The following FBXL17 variants were observed in gnomAD, a reference collection of about 807,000 sequenced individuals.
The protein encoded by FBXL17 is F-box and leucine rich repeat protein 17, also known as F-box/LRR-repeat protein 17.
Under a neutral mutation model 66.2 loss-of-function variants are expected in FBXL17, and 22 were observed. The ratio of observed to expected loss-of-function variants is 0.33; its 90% CI spans 0.24 to 0.47. FBXL17 has a LOEUF of 0.47. FBXL17 is among the 20% of genes least tolerant of loss of function. FBXL17 has a pLI of 1.00. For synonymous variants in FBXL17, 474 were observed against 400.5 expected, an observed-to-expected ratio of 1.18 and a Z score of -2.19; for missense variants, 878 against 948.2, an observed-to-expected ratio of 0.93 and a Z score of 0.97.
In FBXL17 at chr5:108,267,988, T is replaced by A. The variant is rs147738742; in HGVS notation, c.1507-43760A>T. 3.6e-3 allele frequency among the ~76,000 whole-genome samples: 555 copies of A among 152,242 alleles called. 4 individuals are homozygous for A. Among genetic ancestry groups the A allele is most frequent in the African/African-American group, 0.013 (535 of 41,572 alleles). On this transcript the variant is annotated intron_variant, in intron 4 of 8. Coordinates refer to ENST00000542267, the MANE Select transcript of FBXL17 (RefSeq NM_001163315.3). ...GGATGATGTAAAATGCAAAAGGTAA[T>A]TTCCAAGTAATTTTAGTTTTTTGTT... is the stretch of plus-strand genomic sequence containing the variant.
At chr5:108,354,157 G>A (rs536009835) in intron 3 of FBXL17, among the ~76,000 whole-genome samples, 2 of 152,138 alleles carry the variant, frequency 1.3e-5, no homozygotes, top group Non-Finnish European at 2.9e-5. Context: ...CCTGTGCATC[G>A]TGTCCACCTT....
intron 1 of FBXL17, among the ~76,000 whole-genome samples, chr5:108,375,101 C>A (rs574230577): frequency 6.6e-6 from 1 of 152,212 alleles, no homozygotes; most frequent in Admixed American, 6.5e-5. Flanking sequence ...CACCTATAAT[C>A]CCAGCACTTT....
chr5:107,911,934 T>G (rs1446763321), intron 7 of FBXL17, among the ~76,000 whole-genome samples: 1 of 152,026 alleles, frequency 6.6e-6, no homozygotes, highest in African/African-American at 2.4e-5. Context: ...ACTTCACTAG[T>G]AATAAGGGAA....
chr5:108,333,975 T>C (rs920983147), intron 4 of FBXL17, among the ~76,000 whole-genome samples: 1 of 152,188 alleles, frequency 6.6e-6, no homozygotes, highest in African/African-American at 2.4e-5. Context: ...TTACAAATGA[T>C]CTAATTGAAG....
chr5:108,065,651 C>A (rs1748088865), intron 6 of FBXL17, among the ~76,000 whole-genome samples: 1 of 152,134 alleles, frequency 6.6e-6, no homozygotes, highest in African/African-American at 2.4e-5. Flanking sequence ...ATAAGACCAT[C>A]AGTCACATGG....
chr5:108,090,468 T>C (rs1039729036), intron 6 of FBXL17, among the ~76,000 whole-genome samples: 1 of 152,174 alleles, frequency 6.6e-6, no homozygotes, highest in African/African-American at 2.4e-5. Context: ...ATGGAAGAGG[T>C]TGGCAAATTT....
chr5:108,001,733 C>G (rs577171141), intron 7 of FBXL17, among the ~76,000 whole-genome samples: 1 of 152,104 alleles, frequency 6.6e-6, no homozygotes, highest in South Asian at 2.1e-4. Flanking sequence ...ATCTCCTGAC[C>G]TCGTGATCCG....
At chr5:108,300,188 G>C (rs1305683580) in intron 4 of FBXL17, among the ~76,000 whole-genome samples, 1 of 151,654 alleles carries the variant, frequency 6.6e-6, no homozygotes, top group Non-Finnish European at 1.5e-5. Context: ...ATTTTCAAAA[G>C]TTTTACTCAT....
intron 6 of FBXL17, among the ~76,000 whole-genome samples, chr5:108,134,866 C>A (rs1751075608): frequency 6.6e-6 from 1 of 152,160 alleles, no homozygotes; most frequent in South Asian, 2.1e-4. Flanking sequence ...GTCTTTCCTG[C>A]ATTTGCTTTT....
At chr5:107,961,377 A>G (rs1453537211) in intron 7 of FBXL17, among the ~76,000 whole-genome samples, 2 of 151,598 alleles carry the variant, frequency 1.3e-5, no homozygotes. Context: ...GGCACATAAC[A>G]CCAGGCCTGG....
chr5:108,314,132 A>T (rs964274327), intron 4 of FBXL17, among the ~76,000 whole-genome samples: 1 of 151,812 alleles, frequency 6.6e-6, no homozygotes, highest in Non-Finnish European at 1.5e-5. Flanking sequence ...AATCTGCAAG[A>T]AAGATCATAT....
Position 108,380,856 on chromosome 5 carries a change from A to C in FBXL17, c.836T>G (p.Val279Gly). 8.0e-7 allele frequency: 1 copy of C among 1,245,998 alleles called. No homozygotes were observed. The highest frequency in any genetic ancestry group is 1.0e-6 in the Non-Finnish European group (1 of 988,092). The allele number at this position is 1,245,998 out of a possible 1,614,324, so 77.2% of individuals were successfully genotyped here. A position where few individuals can be genotyped will look rare whatever the true frequency, so the allele number is the denominator to read the frequency against. Residue 279 changes from valine (V) to glycine (G), a missense_variant, in exon 1 of 9, where the codon GTC (valine) becomes GGC (glycine). Physicochemically the swap from Val to Gly is moderately radical, Grantham distance 109. This residue lies in a region of FBXL17 where 605 missense variants were observed against 509.5 expected (regional missense o/e 1.19). Coordinates refer to ENST00000542267, the MANE Select transcript of FBXL17 (RefSeq NM_001163315.3). ...GAPTEAGGDA[V>G]RAGGTAPLSA... ...CAAGGGGGCGGTGCCCCCGGCTCGGACAGCGTCCCCGCCAGCTTCGGTGGG... is the reference window on the plus strand; with the variant it reads ...CAAGGGGGCGGTGCCCCCGGCTCGGCCAGCGTCCCCGCCAGCTTCGGTGGG...
intron 7 of FBXL17, among the ~76,000 whole-genome samples, chr5:108,000,810 T>C (rs1451729795): frequency 1.3e-5 from 2 of 152,208 alleles, no homozygotes; most frequent in Non-Finnish European, 2.9e-5. Context: ...AAATTTTCCA[T>C]GAATGAAAAC....
chr5:108,280,321 T>C (rs1757652279), intron 4 of FBXL17, among the ~76,000 whole-genome samples: 1 of 152,098 alleles, frequency 6.6e-6, no homozygotes. Context: ...AGATGATATA[T>C]TGAATGTGCT....
intron 1 of FBXL17, 48 bp from the exon 2 acceptor site, chr5:108,368,001 G>A: frequency 6.7e-7 from 1 of 1,500,182 alleles, no homozygotes; most frequent in East Asian, 2.5e-5. Context: ...ACATTTTCAA[G>A]GCACAGGAAA....
At chr5:108,081,964 A>G (rs1049377204) in intron 6 of FBXL17, among the ~76,000 whole-genome samples, 1 of 152,166 alleles carries the variant, frequency 6.6e-6, no homozygotes, top group Non-Finnish European at 1.5e-5. Context: ...CAAGAAGGAA[A>G]GAGTTAAGCC....
chr5:108,075,667 G>C (rs1368341691), intron 6 of FBXL17, among the ~76,000 whole-genome samples: 3 of 152,106 alleles, frequency 2.0e-5, no homozygotes, highest in Non-Finnish European at 2.9e-5. Flanking sequence ...AGTAGAGATG[G>C]GGTTTCACCA....
chr5:107,908,290 T>C (rs1749829345), intron 7 of FBXL17, among the ~76,000 whole-genome samples: 1 of 152,190 alleles, frequency 6.6e-6, no homozygotes. Flanking sequence ...GTTAGGTTAT[T>C]TGCTAATTTC....
intron 6 of FBXL17, among the ~76,000 whole-genome samples, chr5:108,115,967 A>C (rs2149958637): frequency 6.6e-6 from 1 of 152,276 alleles, no homozygotes; most frequent in Admixed American, 6.5e-5. Context: ...ACCTTCCATG[A>C]CTGTTTTTGT....
Sources: allele counts gnomAD v4.1 joint callset (sites outside exome capture counted in the v4.1 genomes callset), GRCh38; gene constraint gnomAD v4.1.1; regional missense constraint gnomAD v4.1.1; transcripts MANE v1.5; gene names NCBI Gene and HGNC (gene_info 2026-07-23, HGNC 2026-07-21).